The following CSMD1 variants were observed in gnomAD, a reference collection of about 807,000 sequenced individuals.
The protein encoded by CSMD1 is CUB and Sushi multiple domains 1, also known as CUB and sushi domain-containing protein 1.
Under a neutral mutation model 417.5 loss-of-function variants are expected in CSMD1, and 213 were observed. The ratio of observed to expected loss-of-function variants is 0.51; its 90% confidence interval spans 0.46 to 0.57. CSMD1 has a LOEUF of 0.57. CSMD1 is among the 20% of genes least tolerant of loss of function. CSMD1 has a pLI of 0.00. For missense variants in CSMD1, 6,923 were observed against 4,529.7 expected (o/e 1.53, Z -15.17); for synonymous variants, 2,862 against 1,736.8 (o/e 1.65, Z -16.11).
intron 7 of CSMD1, among the ~76,000 whole-genome samples, chr8:3,652,869 A>G (rs1319765108): frequency 6.6e-6 from 1 of 152,220 alleles, no homozygotes; most frequent in African/African-American, 2.4e-5. Flanking sequence ...CAGAGGGTGC[A>G]CACAGTCAGC....
At chr8:3,782,226 T>C (rs958631190) in intron 5 of CSMD1, among the ~76,000 whole-genome samples, 7 of 152,208 alleles carry the variant, frequency 4.6e-5, no homozygotes, top group African/African-American at 1.7e-4. Flanking sequence ...ACAGAATCTA[T>C]GTCAGTCACC....
intron 26 of CSMD1, among the ~76,000 whole-genome samples, chr8:3,245,233 C>G (rs561522977): frequency 1.3e-5 from 2 of 152,322 alleles, no homozygotes; most frequent in South Asian, 4.1e-4. Context: ...TGAGTCCTCC[C>G]TGTCCACAGC....
In CSMD1 at chr8:4,442,180, G is replaced by C. The variant is rs887635842; in HGVS notation, c.303-22115C>G. On this transcript the variant is annotated intron_variant, in intron 2 of 69. Transcript: ENST00000635120. ...AAACACAGCTTCAAATGCAGGCAAA[G>C]TGACAATCTCCTGACAAATCTTTAT... is the stretch of plus-strand genomic sequence containing the variant. Among the ~76,000 whole-genome samples the C allele has an allele frequency of 2.0e-5, 3 of 152,134 alleles. No individual in the cohort carries two copies. In the South Asian group the frequency reaches 6.2e-4, roughly 32 times the overall value.
intron 3 of CSMD1, among the ~76,000 whole-genome samples, chr8:4,040,045 G>T (rs1279673736): frequency 6.8e-6 from 1 of 146,614 alleles, no homozygotes; most frequent in East Asian, 2.3e-4. Flanking sequence ...CAATTCTAAA[G>T]CACCATGCAA....
In CSMD1 at chr8:4,860,346, G is replaced by A. The variant is rs1031977560; in HGVS notation, c.85+133986C>T. On this transcript the variant is annotated intron_variant, in intron 1 of 69. Coordinates refer to ENST00000635120, the MANE Select transcript of CSMD1 (RefSeq NM_033225.6). ...TTAGTGGGTGCAGCGTACCAGCATG[G>A]CACATGTATACATATGTAACTAACC... is the stretch of plus-strand genomic sequence containing the variant. Among the ~76,000 whole-genome samples, 9 of 151,218 alleles carry A rather than the reference G, an allele frequency of 6.0e-5. No individual in the cohort carries two copies. In the South Asian group the frequency reaches 1.5e-3, roughly 25 times the overall value.
At chr8:4,458,904 G>A (rs1799645499) in intron 2 of CSMD1, among the ~76,000 whole-genome samples, 1 of 152,188 alleles carries the variant, frequency 6.6e-6, no homozygotes, top group Non-Finnish European at 1.5e-5. Context: ...GGTGGAGAAT[G>A]TATTAAAAAT....
chr8:4,079,377 G>C (rs1408406693), intron 3 of CSMD1, among the ~76,000 whole-genome samples: 1 of 152,088 alleles, frequency 6.6e-6, no homozygotes, highest in East Asian at 1.9e-4. Flanking sequence ...CTGTAATCAG[G>C]CATTCTATTC....
Position 3,240,721 on chromosome 8 carries a change from G to A in CSMD1, c.4154-10490C>T, listed in dbSNP as rs184200903. Among the ~76,000 whole-genome samples the A allele has an allele frequency of 4.1e-3, 631 of 152,212 alleles. 6 individuals carry two copies. Among genetic ancestry groups the A allele is most frequent in the African/African-American group, 0.014 (602 of 41,534 alleles). On this transcript the variant is annotated intron_variant, in intron 26 of 69. Coordinates refer to ENST00000635120, the MANE Select transcript of CSMD1 (RefSeq NM_033225.6). ...TTTGAGATCTAGAACAGAATAATGG[G>A]TTGTGGAGGGAGGTATCGAGGTTAG...
At chr8:4,074,291 A>T (rs1274549354) in intron 3 of CSMD1, among the ~76,000 whole-genome samples, 1 of 152,096 alleles carries the variant, frequency 6.6e-6, no homozygotes, top group Non-Finnish European at 1.5e-5. Flanking sequence ...GGTGTCAGCT[A>T]AACAATGAAA....
intron 3 of CSMD1, among the ~76,000 whole-genome samples, chr8:4,153,146 TGA>T (rs777511372): frequency 3.7e-4 from 57 of 152,306 alleles, no homozygotes; most frequent in Admixed American, 9.8e-4. Flanking sequence ...TACTGAATCT[TGA>T]CTGTGGTGAC....
chr8:3,638,412 C>T (rs1797146756), intron 7 of CSMD1, among the ~76,000 whole-genome samples: 1 of 151,692 alleles, frequency 6.6e-6, no homozygotes, highest in African/African-American at 2.4e-5. Flanking sequence ...GAGAAAGGTC[C>T]TAGTTTTGCC....
chr8:3,018,963 G>C (rs1415091538), intron 51 of CSMD1, among the ~76,000 whole-genome samples: 3 of 152,100 alleles, frequency 2.0e-5, no homozygotes, highest in Non-Finnish European at 2.9e-5. Context: ...TGTTGACCAG[G>C]TTGGAGTGCA....
intron 54 of CSMD1, among the ~76,000 whole-genome samples, chr8:2,995,664 T>G (rs941431133): frequency 6.6e-6 from 1 of 151,952 alleles, no homozygotes; most frequent in Non-Finnish European, 1.5e-5. Flanking sequence ...CTTCAATGGG[T>G]AAATGGTGAA....
At chr8:4,025,139 T>G (rs1028368627) in intron 4 of CSMD1, among the ~76,000 whole-genome samples, 9 of 152,230 alleles carry the variant, frequency 5.9e-5, no homozygotes, top group Admixed American at 4.6e-4. Flanking sequence ...GTTGAGACTG[T>G]AATTTTCCAT....
intron 1 of CSMD1, among the ~76,000 whole-genome samples, chr8:4,978,222 C>A (rs1021619145): frequency 6.6e-6 from 1 of 152,108 alleles, no homozygotes; most frequent in Non-Finnish European, 1.5e-5. Context: ...GATAGAGACC[C>A]AACCTTTTAA....
chr8:3,810,512 G>T (rs1056778412), intron 5 of CSMD1, among the ~76,000 whole-genome samples: 1 of 152,214 alleles, frequency 6.6e-6, no homozygotes. Flanking sequence ...TCATGGAAGA[G>T]GTCAGAATGG....
At chr8:3,209,723 A>T (rs1797496056) in intron 30 of CSMD1, among the ~76,000 whole-genome samples, 1 of 152,248 alleles carries the variant, frequency 6.6e-6, no homozygotes, top group African/African-American at 2.4e-5. Context: ...CAACAACAAA[A>T]GAAAAATAAA....
intron 1 of CSMD1, among the ~76,000 whole-genome samples, chr8:4,938,046 A>C (rs1807742407): frequency 6.6e-6 from 1 of 152,194 alleles, no homozygotes; most frequent in African/African-American, 2.4e-5. Flanking sequence ...ATAATATTAC[A>C]TCAAAAAGTA....
chr8:4,145,370 C>G (rs1001572500), intron 3 of CSMD1, among the ~76,000 whole-genome samples: 8 of 150,822 alleles, frequency 5.3e-5, no homozygotes, highest in Admixed American at 2.0e-4. Flanking sequence ...GAAAAATGTC[C>G]CAAACATTAT....
Sources: allele counts gnomAD v4.1 joint callset (sites outside exome capture counted in the v4.1 genomes callset), GRCh38; gene constraint gnomAD v4.1.1; transcripts MANE v1.5; gene names NCBI Gene and HGNC (gene_info 2026-07-23, HGNC 2026-07-21).